Variants in CCSER1 observed in about 807,000 individuals in gnomAD.
CCSER1 encodes coiled-coil serine rich protein 1.
Under a neutral mutation model 82.0 loss-of-function variants are expected in CCSER1, and 41 were observed. The ratio of observed to expected loss-of-function variants is 0.50; its 90% CI spans 0.39 to 0.65. The LOEUF is 0.65. CCSER1 is among the 30% of genes least tolerant of loss of function. CCSER1 has a pLI of 0.00. For synonymous variants in CCSER1, 414 were observed against 383.9 expected (o/e 1.08, Z -0.92); for missense variants, 1,119 against 1,064.2 (o/e 1.05, Z -0.72).
intron 10 of CCSER1, among the ~76,000 whole-genome samples, chr4:91,187,989 T>A (rs190007695): frequency 6.6e-6 from 1 of 152,138 alleles, no homozygotes; most frequent in Non-Finnish European, 1.5e-5. Context: ...ACCTTATGAT[T>A]TCCCAATGCA....
chr4:91,053,661 C>T (rs1329294338), intron 9 of CCSER1, among the ~76,000 whole-genome samples: 2 of 152,120 alleles, frequency 1.3e-5, no homozygotes, highest in East Asian at 3.9e-4. Flanking sequence ...AGTTTCCATC[C>T]CCAGATGCAA....
chr4:91,089,008 C>A (rs1051662486), intron 10 of CCSER1, among the ~76,000 whole-genome samples: 2 of 151,992 alleles, frequency 1.3e-5, no homozygotes, highest in African/African-American at 4.8e-5. Context: ...TGTAGCAGGA[C>A]GAGCCATGGA....
chr4:90,314,362 A>G (rs988114911), intron 3 of CCSER1, among the ~76,000 whole-genome samples: 1 of 152,176 alleles, frequency 6.6e-6, no homozygotes, highest in African/African-American at 2.4e-5. Flanking sequence ...CAATTGATGC[A>G]CCATTAAAAG....
At chr4:90,634,673 T>A (rs116443128) in intron 6 of CCSER1, among the ~76,000 whole-genome samples, 2,785 of 151,790 alleles carry the variant, frequency 0.018, 98 homozygotes, top group African/African-American at 0.064. Flanking sequence ...AATGGATAAT[T>A]AGAGAAGGAA....
intron 10 of CCSER1, among the ~76,000 whole-genome samples, chr4:91,109,747 A>G (rs185520015): frequency 6.6e-6 from 1 of 152,278 alleles, no homozygotes; most frequent in Admixed American, 6.5e-5. Context: ...TAACTTCAAT[A>G]TTCATTTCAG....
intron 10 of CCSER1, among the ~76,000 whole-genome samples, chr4:91,227,006 G>A (rs1738252044): frequency 6.6e-6 from 1 of 151,696 alleles, no homozygotes; most frequent in African/African-American, 2.4e-5. Flanking sequence ...ACATCTATTA[G>A]CACAGTGCCT....
At chr4:90,416,965 A>G (rs1448515631) in intron 4 of CCSER1, among the ~76,000 whole-genome samples, 2 of 152,190 alleles carry the variant, frequency 1.3e-5, no homozygotes, top group Non-Finnish European at 2.9e-5. Context: ...ACCAAACACC[A>G]CATGTTCTCA....
At chr4:91,025,146 C>T (rs1007638024) in intron 9 of CCSER1, among the ~76,000 whole-genome samples, 4 of 152,000 alleles carry the variant, frequency 2.6e-5, no homozygotes, top group African/African-American at 7.2e-5. Context: ...AAAGATTTAT[C>T]GAATAGACTC....
At chr4:90,620,742 TA>T (rs951628363) in intron 5 of CCSER1, among the ~76,000 whole-genome samples, 9 of 152,186 alleles carry the variant, frequency 5.9e-5, no homozygotes, top group Non-Finnish European at 1.0e-4. Context: ...TAATCTTGTC[TA>T]ACAAGAAGAG....
intron 1 of CCSER1, among the ~76,000 whole-genome samples, chr4:90,198,837 A>G (rs1401461042): frequency 2.0e-5 from 3 of 152,338 alleles, no homozygotes; most frequent in African/African-American, 7.2e-5. Context: ...TTGCATGAAT[A>G]GGATAGTTAT....
intron 10 of CCSER1, among the ~76,000 whole-genome samples, chr4:91,573,828 T>G (rs1002882531): frequency 6.6e-6 from 1 of 152,264 alleles, no homozygotes; most frequent in Middle Eastern, 3.4e-3. Flanking sequence ...TTGGCCATCT[T>G]GGGCACTCCC....
intron 10 of CCSER1, among the ~76,000 whole-genome samples, chr4:91,504,232 C>T (rs62309609): frequency 8.5e-5 from 13 of 152,116 alleles, no homozygotes; most frequent in Non-Finnish European, 1.8e-4. Context: ...AAAGGGTATA[C>T]ATTTGAGAGT....
chr4:90,870,777 T>A (rs2150028851), intron 8 of CCSER1, among the ~76,000 whole-genome samples: 1 of 150,836 alleles, frequency 6.6e-6, no homozygotes, highest in East Asian at 1.9e-4. Context: ...TCTTTAAATG[T>A]CTGATAAAAT....
chr4:91,173,447 A>C (rs542462545), intron 10 of CCSER1, among the ~76,000 whole-genome samples: 1 of 152,220 alleles, frequency 6.6e-6, no homozygotes, highest in African/African-American at 2.4e-5. Context: ...ACAAAAAATT[A>C]GCTGGGCGTG....
At chr4:91,402,576 G>A (rs994733668) in intron 10 of CCSER1, among the ~76,000 whole-genome samples, 2 of 152,122 alleles carry the variant, frequency 1.3e-5, no homozygotes, top group Admixed American at 1.3e-4. Flanking sequence ...TTTGTATAAG[G>A]TGTAAGGAAG....
At chr4:90,776,873 T>C (rs1380838029) in intron 7 of CCSER1, among the ~76,000 whole-genome samples, 1 of 152,196 alleles carries the variant, frequency 6.6e-6, no homozygotes, top group African/African-American at 2.4e-5. Context: ...TCTCTTATTG[T>C]TTCCTATCTC....
intron 6 of CCSER1, among the ~76,000 whole-genome samples, chr4:90,661,996 C>G (rs3925223): frequency 0.52 from 74,493 of 142,942 alleles, 19,464 homozygotes; most frequent in Middle Eastern, 0.66. Context: ...TTGTTTCTTT[C>G]TTTCTTTTTT....
chr4:90,971,126 T>C (rs1218315418), intron 9 of CCSER1, among the ~76,000 whole-genome samples: 1 of 151,976 alleles, frequency 6.6e-6, no homozygotes, highest in Admixed American at 6.6e-5. Flanking sequence ...AAATGGTATT[T>C]GTTCTCATAC....
intron 10 of CCSER1, among the ~76,000 whole-genome samples, chr4:91,461,371 A>T (rs952722680): frequency 1.1e-4 from 17 of 152,340 alleles, no homozygotes; most frequent in African/African-American, 4.1e-4. Context: ...AAATTGAGAC[A>T]CAAAGAAGTT....
Sources: allele counts gnomAD v4.1 joint callset (sites outside exome capture counted in the v4.1 genomes callset), GRCh38; gene constraint gnomAD v4.1.1; transcripts MANE v1.5; gene names NCBI Gene and HGNC (gene_info 2026-07-23, HGNC 2026-07-21).